Variants in ADNP2 observed in about 807,000 individuals in gnomAD.
ADNP2 encodes ADNP homeobox 2, also known as activity-dependent neuroprotector homeobox protein 2.
ADNP2 carries 8 observed loss-of-function variants against 16.4 expected under a neutral mutation model. The observed-to-expected ratio is 0.49, with a 90% CI of 0.29 to 0.88. The LOEUF (loss-of-function observed/expected upper bound fraction) is 0.88, where lower values mean the gene tolerates loss of function less well. ADNP2 is among the 40% of genes least tolerant of loss of function. ADNP2 has a pLI of 0.09. For synonymous variants in ADNP2, 637 were observed against 545.8 expected, an observed-to-expected ratio of 1.17 and a Z score of -2.33; for missense variants, 1,397 against 1,395.1, an observed-to-expected ratio of 1.00 and a Z score of -0.02.
chr18:80,135,062 AAATT>A (rs2052523391), intron 3 of ADNP2, among the ~76,000 whole-genome samples: 3 of 152,218 alleles, frequency 2.0e-5, no homozygotes, highest in Admixed American at 6.5e-5. Context: ...CTTTTGTAGA[AAATT>A]AATGAAGCTT....
At chr18:80,133,818 A>G (rs1365172330) in intron 3 of ADNP2, 2 of 152,204 alleles carry the variant, frequency 1.3e-5, no homozygotes, top group Non-Finnish European at 2.9e-5. Context: ...TATTTCAGTA[A>G]TTAGTCGTTG....
At chr18:80,113,675 C>A (rs1445627596) in intron 1 of ADNP2, among the ~76,000 whole-genome samples, 1 of 152,026 alleles carries the variant, frequency 6.6e-6, no homozygotes, top group South Asian at 2.1e-4. Context: ...TGTGATGGGA[C>A]CCTCTCAAGC....
In ADNP2 at chr18:80,135,859, G is replaced by C; in HGVS notation, c.446G>C (p.Arg149Thr). ...ATTTTAGGTGAAACTAAATCATCTA[G>C]GAGCGATGTGATAAGTTTCACATGT... The part of the protein sequence containing the change: ...VNILGETKSS[R>T]SDVISFTCLK... Residue 149 changes from arginine to threonine, a missense_variant, in exon 4 of 4, where the codon AGG (arginine) becomes ACG (threonine). Physicochemically the swap from Arg to Thr is moderately conservative, Grantham distance 71. This residue lies in a region of ADNP2 where 777 missense variants were observed against 719.4 expected (regional missense o/e 1.08). Coordinates refer to ENST00000262198, the MANE Select transcript of ADNP2 (RefSeq NM_014913.4). 6.2e-7 allele frequency: 1 copy of C among 1,614,200 alleles called. No homozygotes were observed. The highest frequency in any genetic ancestry group is 8.5e-7 in the Non-Finnish European group (1 of 1,180,036).
At chr18:80,114,547 A>G (rs948711903) in intron 1 of ADNP2, among the ~76,000 whole-genome samples, 1 of 152,234 alleles carries the variant, frequency 6.6e-6, no homozygotes, top group Admixed American at 6.5e-5. Context: ...ATTACCCTAA[A>G]TACTACAAAC....
At chr18:80,111,745 A>G (rs773958881) in intron 1 of ADNP2, among the ~76,000 whole-genome samples, 1 of 151,916 alleles carries the variant, frequency 6.6e-6, no homozygotes, top group African/African-American at 2.4e-5. Context: ...GGGTTTCACC[A>G]TATTGGTCAG....
chr18:80,111,989 G>C (rs1265580476), intron 1 of ADNP2, among the ~76,000 whole-genome samples: 1 of 151,988 alleles, frequency 6.6e-6, no homozygotes, highest in Admixed American at 6.6e-5. Flanking sequence ...TTTTATGGTA[G>C]TTCCATGCCT....
chr18:80,134,530 C>T (rs1245567454), intron 3 of ADNP2, among the ~76,000 whole-genome samples: 2 of 151,928 alleles, frequency 1.3e-5, no homozygotes, highest in African/African-American at 2.4e-5. Context: ...TAGGTCTTAG[C>T]TTCCTTGTTT....
At position 80,113,175 on chromosome 18, in the gene ADNP2, A is replaced by T. The variant is rs79610589; in HGVS notation, c.-14+3703A>T. ...GCTAGAACCCAAATCAGTGCATTTT[A>T]TTAAAGAAAATTTTTAAACTTAAAA... On this transcript the variant is annotated intron_variant, in intron 1 of 3. Transcript: ENST00000262198. Among the ~76,000 whole-genome samples, 20 of 152,338 alleles carry T rather than the reference A, an allele frequency of 1.3e-4. No individual in the cohort carries two copies. The East Asian group carries it at 3.1e-3, about 23-fold the overall frequency.
chr18:80,109,747 CG>C (rs1251331942), intron 1 of ADNP2: 2 of 150,862 alleles, frequency 1.3e-5, no homozygotes, highest in Non-Finnish European at 3.0e-5. Context: ...GGGGCCGCCC[CG>C]GGAGGGCGGA....
intron 2 of ADNP2, among the ~76,000 whole-genome samples, chr18:80,131,839 G>A (rs1244467625): frequency 6.6e-6 from 1 of 150,924 alleles, no homozygotes; most frequent in East Asian, 1.9e-4. Flanking sequence ...TCACACACTC[G>A]GGCCTGTCAT....
At chr18:80,130,107 C>T (rs562602135) in intron 2 of ADNP2, among the ~76,000 whole-genome samples, 2 of 152,254 alleles carry the variant, frequency 1.3e-5, no homozygotes, top group South Asian at 2.1e-4. Context: ...CCTGTGACTT[C>T]GTGTGTTTGG....
chr18:80,126,468 A>G (rs1599813610), intron 2 of ADNP2, among the ~76,000 whole-genome samples: 1 of 152,148 alleles, frequency 6.6e-6, no homozygotes, highest in Non-Finnish European at 1.5e-5. Context: ...GTGCTTAATT[A>G]ACTCACTATA....
chr18:80,117,950 G>T (rs560205685), intron 2 of ADNP2, among the ~76,000 whole-genome samples: 4 of 152,276 alleles, frequency 2.6e-5, no homozygotes, highest in Admixed American at 2.6e-4. Context: ...TAATTTCCCA[G>T]TATTGTTAGA....
At chr18:80,117,407 G>A in intron 1 of ADNP2, 123 bp from the exon 2 acceptor site, 3 of 539,138 alleles carry the variant, frequency 5.6e-6, no homozygotes, top group South Asian at 2.7e-5. Flanking sequence ...ATGTTCACTC[G>A]TTCTACAACA....
intron 2 of ADNP2, among the ~76,000 whole-genome samples, chr18:80,131,139 C>T (rs897744425): frequency 1.3e-5 from 2 of 152,206 alleles, no homozygotes; most frequent in East Asian, 3.9e-4. Flanking sequence ...AGCCGTTGAA[C>T]CCCTGCTCTG....
Position 80,137,037 on chromosome 18 carries a change from G to C in ADNP2, c.1624G>C (p.Val542Leu), listed in dbSNP as rs772884540. Residue 542 changes from valine (V) to leucine (L), a missense_variant, in exon 4 of 4, where the codon GTT (valine) becomes CTT (leucine). Physicochemically the swap from Val to Leu is conservative, Grantham distance 32. Coordinates refer to ENST00000262198, the MANE Select transcript of ADNP2 (RefSeq NM_014913.4). The surrounding 1 kb of genome is among the most constrained non-coding windows in gnomAD (Gnocchi z 4.2). ...TGTAAACCAGGGTGTGAATTCTGGT[G>C]TTCTGCAGCTTAGTCAGCCTGTTGT... ...VPVNQGVNSG[V>L]LQLSQPVVSG... The C allele has an allele frequency of 1.9e-6, 3 of 1,614,178 alleles. No individual in the cohort carries two copies. The highest frequency in any genetic ancestry group is 3.3e-5 in the Admixed American group (2 of 60,032).
Position 80,119,180 on chromosome 18 carries a change from A to C in ADNP2, c.108+1530A>C, listed in dbSNP as rs2145195060. Among the ~76,000 whole-genome samples the C allele has an allele frequency of 2.0e-5, 3 of 152,294 alleles. No homozygotes were observed. In the South Asian group the frequency reaches 6.2e-4, roughly 32 times the overall value. ...TTCTTTTTCACTGAACCGCATAGTG[A>C]GAACCTTTTTCCATGTGAAGTGCGT... On this transcript the variant is annotated intron_variant, in intron 2 of 3. Transcript: ENST00000262198.
chr18:80,120,333 T>C (rs1023498968), intron 2 of ADNP2, among the ~76,000 whole-genome samples: 1 of 126,294 alleles, frequency 7.9e-6, no homozygotes, highest in African/African-American at 3.5e-5. Flanking sequence ...TATATTCTTT[T>C]CTTTTTTTTT....
At chr18:80,112,081 G>C (rs1914968) in intron 1 of ADNP2, among the ~76,000 whole-genome samples, 1 of 151,918 alleles carries the variant, frequency 6.6e-6, no homozygotes, top group Non-Finnish European at 1.5e-5. Flanking sequence ...TGGCCGCCCC[G>C]GTTAGCCTGC....
Sources: gnomAD v4.1 joint callset for allele counts (sites outside exome capture counted in the v4.1 genomes callset) on GRCh38, gnomAD v4.1.1 for gene constraint, gnomAD v4.1.1 regional missense constraint, Gnocchi (gnomAD v3.1) non-coding constraint, MANE v1.5 for transcripts, NCBI Gene and HGNC (gene_info 2026-07-23, HGNC 2026-07-21) for gene names.